Variants in ADAM9 observed in about 807,000 individuals in gnomAD.
ADAM9 encodes the protein disintegrin and metalloproteinase domain-containing protein 9.
Under a neutral mutation model 108.1 loss-of-function variants are expected in ADAM9, and 54 were observed. The observed-to-expected ratio is 0.50, with a 90% CI of 0.40 to 0.63. The LOEUF is 0.63. Among genes scored for constraint, ADAM9 ranks in the 20% least tolerant of loss-of-function variants. ADAM9 has a pLI of 0.00. For missense variants in ADAM9, 830 were observed against 997.7 expected (o/e 0.83, Z 2.26); for synonymous variants, 316 against 336.0 (o/e 0.94, Z 0.65).
intron 1 of ADAM9, among the ~76,000 whole-genome samples, chr8:39,001,792 T>C (rs930125193): frequency 9.9e-5 from 15 of 151,672 alleles, no homozygotes; most frequent in African/African-American, 3.4e-4. Context: ...CTCAGCCTCC[T>C]GAGTAGCTGG....
chr8:39,082,306 ACT>A (rs1206568513), intron 16 of ADAM9, among the ~76,000 whole-genome samples: 3 of 152,174 alleles, frequency 2.0e-5, no homozygotes, highest in Admixed American at 1.3e-4. Flanking sequence ...CCTGGGGTTA[ACT>A]CTATCTAGTT....
intron 1 of ADAM9, among the ~76,000 whole-genome samples, chr8:39,002,474 A>G (rs1339451619): frequency 1.3e-5 from 2 of 151,214 alleles, no homozygotes; most frequent in African/African-American, 2.4e-5. Flanking sequence ...ACGCACCACC[A>G]CGCCCGGCTA....
chr8:39,037,903 C>G (rs1837336596), intron 11 of ADAM9, among the ~76,000 whole-genome samples: 1 of 152,152 alleles, frequency 6.6e-6, no homozygotes, highest in Non-Finnish European at 1.5e-5. Flanking sequence ...GTGATCCCTC[C>G]TAAAGTTGTC....
chr8:39,044,253 A>G (rs1158941218), intron 12 of ADAM9, among the ~76,000 whole-genome samples: 1 of 152,020 alleles, frequency 6.6e-6, no homozygotes, highest in Non-Finnish European at 1.5e-5. Flanking sequence ...ATCCATTTTA[A>G]GTTGATTTTT....
Position 39,042,100 on chromosome 8 carries a change from G to C in ADAM9, c.1285G>C (p.Asp429His). The change falls in exon 12 of 22, where the codon GAC (aspartate) becomes CAC (histidine). Residue 429 changes from aspartate (D) to histidine (H), a missense_variant. By Grantham distance (81) the Asp-to-His change is moderately conservative. This residue lies in a region of ADAM9 where 381 missense variants were observed against 539.8 expected (regional missense o/e 0.71). Coordinates refer to ENST00000487273, the MANE Select transcript of ADAM9 (RefSeq NM_003816.3). ...NKLVDAGEEC[D>H]CGTPKECELD... ...GTTGGTGGACGCTGGGGAAGAGTGTGACTGTGGTACTCCAAAGGTCAGTTT... is the reference window on the plus strand; with the variant it reads ...GTTGGTGGACGCTGGGGAAGAGTGTCACTGTGGTACTCCAAAGGTCAGTTT... 6.2e-7 allele frequency: 1 copy of C among 1,614,046 alleles called. No homozygotes were observed. Among genetic ancestry groups the C allele is most frequent in the East Asian group, 2.2e-5 (1 of 44,884 alleles).
chr8:39,078,308 A>T (rs116580951), intron 16 of ADAM9, among the ~76,000 whole-genome samples: 2 of 151,758 alleles, frequency 1.3e-5, no homozygotes, highest in African/African-American at 4.8e-5. Context: ...TTCCCTTTCA[A>T]TAAGGTGGTA....
At chr8:39,026,544 T>C in intron 10 of ADAM9, 133 bp from the exon 11 acceptor site, 6 of 1,101,326 alleles carry the variant, frequency 5.4e-6, no homozygotes, top group Non-Finnish European at 8.2e-6. Context: ...AAGACTGTTG[T>C]TGGATGCTTG....
At chr8:39,047,630 G>A (rs528884363) in intron 12 of ADAM9, among the ~76,000 whole-genome samples, 1 of 152,164 alleles carries the variant, frequency 6.6e-6, no homozygotes, top group South Asian at 2.1e-4. Flanking sequence ...TATGGCATCA[G>A]TTGAAATGTC....
At position 38,996,981 on chromosome 8, in the gene ADAM9, G is replaced by A. The variant is rs1835829382; in HGVS notation, c.-83G>A. The A allele has an allele frequency of 4.6e-6, 7 of 1,535,752 alleles. No individual in the cohort carries two copies. The highest frequency in any genetic ancestry group is 4.1e-5 in the African/African-American group (3 of 73,272). On this transcript the variant is annotated 5_prime_UTR_variant, in exon 1 of 22. Transcript: ENST00000487273. Reference sequence around the variant, plus strand: ...GCGCGCGCTTCCCGGCCAGACTTGGGGCCCCGGCAGGGTTGGAAAATGATG... The same window carrying A: ...GCGCGCGCTTCCCGGCCAGACTTGGAGCCCCGGCAGGGTTGGAAAATGATG...
chr8:39,065,592 G>A (rs1412620564), intron 14 of ADAM9, among the ~76,000 whole-genome samples: 3 of 149,870 alleles, frequency 2.0e-5, no homozygotes, highest in South Asian at 2.1e-4. Flanking sequence ...CCCGGGAGGC[G>A]GAGCTTGCAG....
intron 8 of ADAM9, among the ~76,000 whole-genome samples, chr8:39,022,023 A>G (rs1271467866): frequency 6.6e-6 from 1 of 151,564 alleles, no homozygotes; most frequent in East Asian, 1.9e-4. Flanking sequence ...CTTATTTTGA[A>G]TAAGGCTGCC....
At chr8:39,029,399 C>T (rs1286977031) in intron 11 of ADAM9, among the ~76,000 whole-genome samples, 1 of 152,080 alleles carries the variant, frequency 6.6e-6, no homozygotes, top group Admixed American at 6.5e-5. Context: ...AATTATTCAG[C>T]CTTATTCTCC....
In ADAM9 at chr8:39,018,656, GA is replaced by G; in HGVS notation, c.607-195del. 4.9e-6 allele frequency: 3 copies of G among 614,146 alleles called. No individual in the cohort carries two copies. The South Asian group carries it at 6.0e-5, about 12-fold the overall frequency. 38.0% of individuals were successfully genotyped at this position (614,146 alleles called of 1,614,324 possible). ...TTATCATCACTTAAAGTCATTAGCA[GA>G]ACTGGACAAAGTTTTCATCACTAAG... On this transcript the variant is annotated intron_variant, in intron 6 of 21. Transcript: ENST00000487273.
intron 1 of ADAM9, among the ~76,000 whole-genome samples, chr8:39,000,793 T>C (rs1341946051): frequency 6.6e-6 from 1 of 152,190 alleles, no homozygotes; most frequent in South Asian, 2.1e-4. Flanking sequence ...AAGAGTGAGC[T>C]AGGGAACCTT....
chr8:38,997,177 CG>C lies in ADAM9; in HGVS notation c.97+20del, dbSNP rs768930357. The C allele has an allele frequency of 6.3e-7, 1 of 1,594,254 alleles. No individual in the cohort carries two copies. Reference sequence around the variant, plus strand: ...CGCGGCCAGGTGGGTGTCCGCGCCCCGGGTCGGTTGGGACGGCTGCTTCCTA... The same window carrying C: ...CGCGGCCAGGTGGGTGTCCGCGCCCCGGTCGGTTGGGACGGCTGCTTCCTA... On this transcript the variant is annotated intron_variant, in intron 1 of 21. Coordinates refer to ENST00000487273, the MANE Select transcript of ADAM9 (RefSeq NM_003816.3).
intron 20 of ADAM9, among the ~76,000 whole-genome samples, chr8:39,093,053 G>C (rs1396502023): frequency 6.6e-6 from 1 of 152,084 alleles, no homozygotes; most frequent in East Asian, 1.9e-4. Context: ...TTCTAGCTTT[G>C]TTCTTTTTGC....
chr8:38,999,816 C>T (rs1233119424), intron 1 of ADAM9, among the ~76,000 whole-genome samples: 1 of 152,186 alleles, frequency 6.6e-6, no homozygotes, highest in Non-Finnish European at 1.5e-5. Flanking sequence ...ATTATGGAAT[C>T]CCCCAAAAGA....
chr8:39,032,468 C>T (rs940700603), intron 11 of ADAM9, among the ~76,000 whole-genome samples: 5 of 152,242 alleles, frequency 3.3e-5, no homozygotes, highest in Non-Finnish European at 5.9e-5. Context: ...GCGTAGGACC[C>T]GCCGAGCCAG....
At chr8:39,082,610 TCTTTA>T in intron 16 of ADAM9, 26 bp from the exon 17 acceptor site, 3 of 1,570,482 alleles carry the variant, frequency 1.9e-6, no homozygotes, top group Middle Eastern at 1.7e-4. Context: ...GCTCAATCTT[TCTTTA>T]CTTAGTTCAT....
Sources: allele counts gnomAD v4.1 joint callset (sites outside exome capture counted in the v4.1 genomes callset), GRCh38; gene constraint gnomAD v4.1.1; regional missense constraint gnomAD v4.1.1; transcripts MANE v1.5; gene names NCBI Gene and HGNC (gene_info 2026-07-23, HGNC 2026-07-21).